Variants in CNTN5 observed in about 807,000 individuals in gnomAD.
The protein encoded by CNTN5 is contactin-5.
Under a neutral mutation model 129.1 loss-of-function variants are expected in CNTN5, and 77 were observed. That is an observed-to-expected ratio of 0.60 (90% CI 0.50 to 0.72). The LOEUF is 0.72. CNTN5 is among the 30% of genes least tolerant of loss of function. CNTN5 has a pLI of 0.00. For missense variants in CNTN5, 1,478 were observed against 1,328.8 expected (o/e 1.11, Z -1.75); for synonymous variants, 509 against 465.6 (o/e 1.09, Z -1.20).
chr11:99,847,587 A>T (rs1395060279), intron 6 of CNTN5, among the ~76,000 whole-genome samples: 1 of 152,210 alleles, frequency 6.6e-6, no homozygotes, highest in Non-Finnish European at 1.5e-5. Context: ...TTACCCAGGG[A>T]AGACCAATTC....
At chr11:99,307,292 T>G (rs1022054912) in intron 1 of CNTN5, among the ~76,000 whole-genome samples, 1 of 152,192 alleles carries the variant, frequency 6.6e-6, no homozygotes, top group Non-Finnish European at 1.5e-5. Context: ...CACAGTATTT[T>G]TTTTTCTTTT....
chr11:100,242,415 C>T (rs1481282081), intron 16 of CNTN5, among the ~76,000 whole-genome samples: 1 of 152,210 alleles, frequency 6.6e-6, no homozygotes, highest in African/African-American at 2.4e-5. Context: ...TAAGCAGTCA[C>T]CTTCCCTATC....
intron 24 of CNTN5, among the ~76,000 whole-genome samples, chr11:100,353,486 C>G (rs922136998): frequency 1.3e-5 from 2 of 151,556 alleles, no homozygotes; most frequent in Admixed American, 1.3e-4. Context: ...GAGACACAGA[C>G]CCTACTTAGC....
At chr11:99,247,931 A>T (rs1056304339) in intron 1 of CNTN5, among the ~76,000 whole-genome samples, 53 of 152,022 alleles carry the variant, frequency 3.5e-4, no homozygotes, top group Non-Finnish European at 5.1e-4. Flanking sequence ...TATGTGTGCA[A>T]GTGTCTTTAT....
intron 2 of CNTN5, among the ~76,000 whole-genome samples, chr11:99,431,041 G>A (rs900956014): frequency 6.8e-6 from 1 of 147,738 alleles, no homozygotes; most frequent in African/African-American, 2.5e-5. Context: ...CAACTGCAGA[G>A]TATTTCAGCA....
At chr11:100,134,816 A>C (rs892407236) in intron 13 of CNTN5, among the ~76,000 whole-genome samples, 4 of 152,108 alleles carry the variant, frequency 2.6e-5, no homozygotes, top group African/African-American at 9.7e-5. Flanking sequence ...TACCAAATAC[A>C]AGCACAGTGA....
At chr11:99,356,385 T>C (rs1938672486) in intron 2 of CNTN5, among the ~76,000 whole-genome samples, 1 of 152,236 alleles carries the variant, frequency 6.6e-6, no homozygotes, top group Non-Finnish European at 1.5e-5. Context: ...GCATAATTTC[T>C]GCTTCACAGG....
intron 9 of CNTN5, among the ~76,000 whole-genome samples, chr11:100,042,658 G>A (rs1942447438): frequency 6.6e-6 from 1 of 152,064 alleles, no homozygotes; most frequent in Admixed American, 6.6e-5. Flanking sequence ...CTTCAACAAT[G>A]GCCAAAGTTC....
At chr11:99,835,338 A>G (rs1947268863) in intron 4 of CNTN5, among the ~76,000 whole-genome samples, 2 of 152,192 alleles carry the variant, frequency 1.3e-5, no homozygotes, top group Admixed American at 6.5e-5. Flanking sequence ...GTTGTGAGGT[A>G]GGGTTGGGAT....
intron 13 of CNTN5, among the ~76,000 whole-genome samples, chr11:100,115,291 C>G (rs553268565): frequency 6.6e-6 from 1 of 151,860 alleles, no homozygotes; most frequent in African/African-American, 2.4e-5. Context: ...CTTCTTATTC[C>G]CATCAACTAT....
intron 9 of CNTN5, among the ~76,000 whole-genome samples, chr11:100,002,749 A>G (rs946155474): frequency 2.6e-5 from 4 of 152,116 alleles, no homozygotes; most frequent in African/African-American, 9.7e-5. Context: ...TCACTTGTCA[A>G]TGATGTTTAC....
chr11:99,021,939 T>C (rs11218076), intron 1 of CNTN5, among the ~76,000 whole-genome samples: 6,410 of 152,272 alleles, frequency 0.042, 462 homozygotes, highest in East Asian at 0.23. Flanking sequence ...TGAGAATTAC[T>C]CTGATGACCT....
intron 3 of CNTN5, among the ~76,000 whole-genome samples, chr11:99,597,301 C>A (rs1950156250): frequency 6.6e-6 from 1 of 152,128 alleles, no homozygotes; most frequent in South Asian, 2.1e-4. Flanking sequence ...ACAAGTGATT[C>A]TATCCCAATT....
At chr11:99,575,483 T>C (rs113865257) in intron 3 of CNTN5, among the ~76,000 whole-genome samples, 3 of 152,286 alleles carry the variant, frequency 2.0e-5, no homozygotes, top group African/African-American at 7.2e-5. Context: ...TGACAGAAAC[T>C]CAGATTTGTT....
chr11:99,969,945 C>G (rs182113269), intron 8 of CNTN5, among the ~76,000 whole-genome samples: 1 of 152,270 alleles, frequency 6.6e-6, no homozygotes, highest in Admixed American at 6.5e-5. Context: ...ATACTTCTAT[C>G]TCTGTTTTGA....
At chr11:100,295,063 T>C (rs189619029) in intron 18 of CNTN5, among the ~76,000 whole-genome samples, 2 of 151,740 alleles carry the variant, frequency 1.3e-5, no homozygotes, top group African/African-American at 2.4e-5. Context: ...TTATATCTAG[T>C]AAACTTTTTT....
chr11:100,232,265 T>C (rs895623260), intron 16 of CNTN5, among the ~76,000 whole-genome samples: 2 of 152,006 alleles, frequency 1.3e-5, no homozygotes, highest in African/African-American at 4.8e-5. Flanking sequence ...GAAAAGGAGA[T>C]GTGAAGTTGC....
intron 1 of CNTN5, among the ~76,000 whole-genome samples, chr11:99,304,090 GT>G (rs920252450): frequency 1.4e-4 from 21 of 152,208 alleles, no homozygotes; most frequent in African/African-American, 4.8e-4. Flanking sequence ...CTAAATGACA[GT>G]TTTTCTTGAT....
rs147180053 is a variant in CNTN5 at position 99,805,909 on chromosome 11, T to C, written c.56-13635T>C. Among the ~76,000 whole-genome samples the C allele has an allele frequency of 8.1e-4, 124 of 152,326 alleles. 1 individual carries two copies. Among genetic ancestry groups the C allele is most frequent in the African/African-American group, 2.8e-3 (118 of 41,574 alleles). ...ATTAAAAATTGTAACCACAGTACAG[T>C]GTGTTCAGCACTAAGCTGTTAAATG... On this transcript the variant is annotated intron_variant, in intron 3 of 24. Transcript: ENST00000524871.
Sources: gnomAD v4.1 joint callset for allele counts (sites outside exome capture counted in the v4.1 genomes callset) on GRCh38, gnomAD v4.1.1 for gene constraint, MANE v1.5 for transcripts, NCBI Gene and HGNC (gene_info 2026-07-23, HGNC 2026-07-21) for gene names.